The following VSTM4 variants were observed in gnomAD, a reference collection of about 807,000 sequenced individuals.
VSTM4 encodes the protein V-set and transmembrane domain containing 4.
Under a neutral mutation model 36.4 loss-of-function variants are expected in VSTM4, and 20 were observed. The ratio of observed to expected loss-of-function variants is 0.55; its 90% CI spans 0.39 to 0.80. The LOEUF (loss-of-function observed/expected upper bound fraction) is 0.80. VSTM4 is among the 30% of genes least tolerant of loss of function. The pLI is 0.00. For synonymous variants in VSTM4, 182 were observed against 173.9 expected (o/e 1.05, Z -0.37); for missense variants, 392 against 404.5 (o/e 0.97, Z 0.26).
At chr10:49,082,252 T>C (rs1392435040) in intron 3 of VSTM4, among the ~76,000 whole-genome samples, 1 of 152,206 alleles carries the variant, frequency 6.6e-6, no homozygotes, top group Non-Finnish European at 1.5e-5. Flanking sequence ...GGCTCAAAAG[T>C]TTTAAAACTC....
intron 5 of VSTM4, among the ~76,000 whole-genome samples, chr10:49,050,577 C>T (rs1843682012): frequency 6.6e-6 from 1 of 152,124 alleles, no homozygotes; most frequent in South Asian, 2.1e-4. Context: ...CTTTAGAGTA[C>T]AGGGTCAATT....
intron 2 of VSTM4, chr10:49,102,613 C>T: frequency 2.0e-6 from 2 of 985,362 alleles, no homozygotes; most frequent in Non-Finnish European, 2.4e-6. Flanking sequence ...AAGATGAAAG[C>T]TGGATGTGGA....
chr10:49,024,582 G>A (rs1219477405), intron 7 of VSTM4, among the ~76,000 whole-genome samples: 1 of 152,136 alleles, frequency 6.6e-6, no homozygotes, highest in Admixed American at 6.5e-5. Context: ...TTCCATCACT[G>A]GAGCTCAGAG....
At chr10:49,038,752 G>T (rs758719255) in intron 7 of VSTM4, among the ~76,000 whole-genome samples, 10 of 152,144 alleles carry the variant, frequency 6.6e-5, no homozygotes, top group Admixed American at 1.3e-4. Flanking sequence ...CCAGGGGAGT[G>T]TCTGGTCAAC....
At chr10:49,086,319 C>T (rs1213028200) in intron 2 of VSTM4, among the ~76,000 whole-genome samples, 1 of 152,150 alleles carries the variant, frequency 6.6e-6, no homozygotes, top group Non-Finnish European at 1.5e-5. Context: ...CAGTGGCAAA[C>T]CCAATAATTA....
intron 6 of VSTM4, among the ~76,000 whole-genome samples, chr10:49,048,100 C>T (rs1843641708): frequency 6.6e-6 from 1 of 152,314 alleles, no homozygotes; most frequent in South Asian, 2.1e-4. Context: ...GAGAGCTTTT[C>T]TTCCCTTGAA....
At chr10:49,029,482 C>T (rs1295300360) in intron 7 of VSTM4, among the ~76,000 whole-genome samples, 2 of 152,130 alleles carry the variant, frequency 1.3e-5, no homozygotes. Context: ...GAGGCAGGGC[C>T]AGTGATTATG....
At chr10:49,055,627 G>GAACTT (rs1843767062) in intron 5 of VSTM4, among the ~76,000 whole-genome samples, 1 of 152,240 alleles carries the variant, frequency 6.6e-6, no homozygotes, top group Admixed American at 6.5e-5. Flanking sequence ...TCTTGCCTTA[G>GAACTT]GCTTTTTGAA....
In VSTM4 at chr10:49,046,987, G is replaced by T. The variant is rs371290102; in HGVS notation, c.833C>A (p.Thr278Lys). The change falls in exon 7 of 8, where the codon ACG becomes AAG. Residue 278 changes from threonine (T) to lysine (K), a missense_variant. Thr to Lys is a moderately conservative substitution (Grantham distance 78, BLOSUM62 -1). Transcript: ENST00000332853. The part of the protein sequence containing the change: ...PKLLKPQRKV[T>K]LPKIAEENLT... Reference sequence around the variant, plus strand: ...ATACAGAAGACGGTTACTTACCAGCGTGACTTTTCTCTGTGGTTTCAGCAG... The same window carrying T: ...ATACAGAAGACGGTTACTTACCAGCTTGACTTTTCTCTGTGGTTTCAGCAG... The T allele has an allele frequency of 1.2e-6, 2 of 1,614,060 alleles. No homozygotes were observed. Among genetic ancestry groups the T allele is most frequent in the African/African-American group, 1.3e-5 (1 of 75,010 alleles).
At chr10:49,105,483 A>T (rs1016289169) in intron 2 of VSTM4, among the ~76,000 whole-genome samples, 1 of 151,690 alleles carries the variant, frequency 6.6e-6, no homozygotes, top group African/African-American at 2.4e-5. Flanking sequence ...AGGGAAGGGG[A>T]GCTGAGGAGG....
intron 7 of VSTM4, among the ~76,000 whole-genome samples, chr10:49,029,399 T>C (rs752036262): frequency 6.6e-6 from 1 of 152,226 alleles, no homozygotes; most frequent in Non-Finnish European, 1.5e-5. Context: ...TGGCTGAGAA[T>C]TGGTCCTTCT....
At chr10:49,100,113 G>A (rs568740298) in intron 2 of VSTM4, among the ~76,000 whole-genome samples, 1 of 152,280 alleles carries the variant, frequency 6.6e-6, no homozygotes, top group East Asian at 1.9e-4. Context: ...TTTTTGATAG[G>A]TTAACCAGTA....
At chr10:49,114,500 C>T (rs569555241) in intron 1 of VSTM4, among the ~76,000 whole-genome samples, 1 of 152,246 alleles carries the variant, frequency 6.6e-6, no homozygotes, top group South Asian at 2.1e-4. Context: ...CGTTCATGGG[C>T]CTGAGCCTCA....
intron 5 of VSTM4, among the ~76,000 whole-genome samples, chr10:49,049,743 G>T (rs144023506): frequency 7.3e-6 from 1 of 137,042 alleles, no homozygotes; most frequent in African/African-American, 2.6e-5. Flanking sequence ...TCCAGTTAAA[G>T]TATACTGACT....
At chr10:49,067,437 A>G (rs1263752628) in intron 4 of VSTM4, among the ~76,000 whole-genome samples, 1 of 152,278 alleles carries the variant, frequency 6.6e-6, no homozygotes, top group East Asian at 1.9e-4. Flanking sequence ...CCTAATCCTC[A>G]GTACTTCAGA....
chr10:49,048,698 G>A, intron 5 of VSTM4, 114 bp from the exon 6 acceptor site: 1 of 807,912 alleles, frequency 1.2e-6, no homozygotes, highest in Middle Eastern at 3.6e-4. Context: ...CTGTGTACCT[G>A]TGTAAGGGAA....
intron 2 of VSTM4, among the ~76,000 whole-genome samples, chr10:49,086,448 C>T (rs1844372275): frequency 6.6e-6 from 1 of 152,200 alleles, no homozygotes; most frequent in Non-Finnish European, 1.5e-5. Context: ...GTGCTCTGAG[C>T]ACCATTCTCC....
intron 2 of VSTM4, among the ~76,000 whole-genome samples, chr10:49,090,420 G>A (rs955534779): frequency 6.6e-6 from 1 of 152,204 alleles, no homozygotes; most frequent in African/African-American, 2.4e-5. Flanking sequence ...GGAGTGCCCA[G>A]CCCAATCCCC....
intron 4 of VSTM4, among the ~76,000 whole-genome samples, chr10:49,067,183 A>C (rs573199435): frequency 3.8e-4 from 57 of 150,922 alleles, no homozygotes; most frequent in African/African-American, 1.4e-3. Flanking sequence ...ATGATGAAAA[A>C]GTTTAGATGT....
Sources: gnomAD v4.1 joint callset for allele counts (sites outside exome capture counted in the v4.1 genomes callset) on GRCh38, gnomAD v4.1.1 for gene constraint, MANE v1.5 for transcripts, NCBI Gene and HGNC (gene_info 2026-07-23, HGNC 2026-07-21) for gene names.